FAM13A: variants seen among roughly 807,000 people sequenced by gnomAD.
FAM13A encodes family with sequence similarity 13 member A, also known as protein FAM13A.
A neutral mutation model predicts 129.6 loss-of-function variants in FAM13A; 76 were observed. The observed-to-expected ratio is 0.59, with a 90% confidence interval of 0.49 to 0.71. The LOEUF is 0.71. Ranked by LOEUF, FAM13A falls within the 30% of genes least tolerant of loss-of-function variation. The pLI is 0.00. For synonymous variants in FAM13A, 443 were observed against 449.9 expected (o/e 0.98, Z 0.20); for missense variants, 1,108 against 1,249.3 (o/e 0.89, Z 1.70).
chr4:89,023,351 A>G (rs1767526829), intron 2 of FAM13A, among the ~76,000 whole-genome samples: 1 of 151,790 alleles, frequency 6.6e-6, no homozygotes. Flanking sequence ...CTGTTCCTAT[A>G]TTTACCCAGC....
intron 6 of FAM13A, among the ~76,000 whole-genome samples, chr4:88,878,837 C>T (rs1394888523): frequency 1.3e-5 from 2 of 152,150 alleles, no homozygotes; most frequent in South Asian, 2.1e-4. Context: ...TCACAATGAG[C>T]ACAAAGTACA....
intron 4 of FAM13A, 78 bp downstream of exon 4, chr4:88,990,895 T>C (rs1762843817): frequency 1.8e-6 from 2 of 1,103,158 alleles, no homozygotes; most frequent in Non-Finnish European, 2.7e-6. Flanking sequence ...AATATGCTTC[T>C]ACATCCCAGT....
intron 7 of FAM13A, among the ~76,000 whole-genome samples, chr4:88,815,368 AAAACT>A (rs2149798451): frequency 6.6e-6 from 1 of 152,274 alleles, no homozygotes; most frequent in African/African-American, 2.4e-5. Context: ...TTCTCATGCA[AAAACT>A]AAAATCAATT....
chr4:88,872,444 C>T (rs550966461), intron 6 of FAM13A, among the ~76,000 whole-genome samples: 50 of 152,274 alleles, frequency 3.3e-4, no homozygotes, highest in African/African-American at 1.1e-3. Flanking sequence ...GGAGGAAGAT[C>T]TACCAAGCAA....
chr4:89,017,221 T>C (rs747934689), intron 3 of FAM13A, among the ~76,000 whole-genome samples: 1 of 152,202 alleles, frequency 6.6e-6, no homozygotes, highest in Non-Finnish European at 1.5e-5. Flanking sequence ...GACTCAAATC[T>C]AACCAGAGAT....
chr4:88,758,995 A>C, intron 13 of FAM13A, 94 bp from the exon 14 acceptor site: 1 of 1,317,388 alleles, frequency 7.6e-7, no homozygotes, highest in Non-Finnish European at 1.1e-6. Context: ...AAAACCTTCC[A>C]AGTCACAGCT....
intron 5 of FAM13A, among the ~76,000 whole-genome samples, chr4:88,923,468 A>T (rs1032278831): frequency 9.2e-5 from 14 of 152,146 alleles, no homozygotes; most frequent in South Asian, 2.1e-4. Context: ...ATTATCTCGA[A>T]AGATGCAGAA....
intron 6 of FAM13A, among the ~76,000 whole-genome samples, chr4:88,886,012 A>AT (rs1305026880): frequency 1.3e-5 from 2 of 151,922 alleles, no homozygotes; most frequent in East Asian, 1.9e-4. Flanking sequence ...AATAAAAAAA[A>AT]AAAATAGACG....
intron 7 of FAM13A, among the ~76,000 whole-genome samples, chr4:88,832,969 G>A (rs1734154249): frequency 6.6e-6 from 1 of 151,930 alleles, no homozygotes; most frequent in Non-Finnish European, 1.5e-5. Flanking sequence ...GCAAAGACAT[G>A]GAATGAACCC....
chr4:88,921,210 G>C (rs1343432814), intron 5 of FAM13A, among the ~76,000 whole-genome samples: 1 of 151,744 alleles, frequency 6.6e-6, no homozygotes, highest in African/African-American at 2.4e-5. Context: ...ACGCCACAAA[G>C]ATACTCCTCG....
chr4:88,999,432 A>G (rs1476726626), intron 3 of FAM13A, among the ~76,000 whole-genome samples: 1 of 152,220 alleles, frequency 6.6e-6, no homozygotes, highest in East Asian at 1.9e-4. Context: ...AACAGCATAT[A>G]GGACAGAGAG....
At chr4:88,747,143 C>T (rs1741517933) in intron 18 of FAM13A, 128 bp from the exon 19 acceptor site, 1 of 646,780 alleles carries the variant, frequency 1.5e-6, no homozygotes, top group Non-Finnish European at 2.7e-6. Flanking sequence ...TAGCTCTATC[C>T]AAAGTTCATT....
At chr4:88,961,512 C>T (rs967866196) in intron 4 of FAM13A, among the ~76,000 whole-genome samples, 37 of 151,740 alleles carry the variant, frequency 2.4e-4, no homozygotes, top group African/African-American at 7.7e-4. Context: ...GGACTACAGG[C>T]GTGCACCACA....
intron 6 of FAM13A, among the ~76,000 whole-genome samples, chr4:88,869,701 TTCAACTA>T (rs1741029689): frequency 2.0e-5 from 3 of 152,364 alleles, no homozygotes; most frequent in South Asian, 2.1e-4. Flanking sequence ...ATGTATCAAC[TTCAACTA>T]TCAACTATCA....
chr4:88,777,776 T>C (rs965829193), intron 11 of FAM13A, among the ~76,000 whole-genome samples: 4 of 152,112 alleles, frequency 2.6e-5, no homozygotes, highest in African/African-American at 9.7e-5. Flanking sequence ...TCTCCTACCA[T>C]CTTCTCCTGA....
intron 6 of FAM13A, among the ~76,000 whole-genome samples, chr4:88,903,905 A>G (rs1271814866): frequency 6.6e-6 from 1 of 152,176 alleles, no homozygotes; most frequent in Non-Finnish European, 1.5e-5. Context: ...TCAAGTCTAC[A>G]AGGAACTTAA....
At chr4:88,768,160 A>G (rs1483536341) in intron 11 of FAM13A, 101 bp from the exon 12 acceptor site, 1 of 619,136 alleles carries the variant, frequency 1.6e-6, no homozygotes, top group Non-Finnish European at 2.9e-6. Flanking sequence ...ATATGTATAT[A>G]TAAACTAATT....
At chr4:88,952,716 G>T (rs2148882055) in intron 4 of FAM13A, among the ~76,000 whole-genome samples, 1 of 152,266 alleles carries the variant, frequency 6.6e-6, no homozygotes, top group African/African-American at 2.4e-5. Context: ...GGGAGGCCGA[G>T]GTGGGTGGAT....
At chr4:88,751,274 GA>G (rs1742552371) in intron 14 of FAM13A, among the ~76,000 whole-genome samples, 1 of 152,062 alleles carries the variant, frequency 6.6e-6, no homozygotes, top group African/African-American at 2.4e-5. Context: ...AAAAAACAAA[GA>G]AAAGAAAATG....
Sources: allele counts gnomAD v4.1 joint callset (sites outside exome capture counted in the v4.1 genomes callset), GRCh38; gene constraint gnomAD v4.1.1; transcripts MANE v1.5; gene names NCBI Gene and HGNC (gene_info 2026-07-23, HGNC 2026-07-21).